Variants in CPLX2 observed in about 807,000 individuals in gnomAD.
CPLX2 encodes the protein complexin-2.
A neutral mutation model predicts 16.3 loss-of-function variants in CPLX2; 5 were observed. The ratio of observed to expected loss-of-function variants is 0.31; its 90% confidence interval spans 0.16 to 0.64. The LOEUF (loss-of-function observed/expected upper bound fraction) is 0.64, where lower values mean the gene tolerates loss of function less well. CPLX2 is among the 30% of genes least tolerant of loss of function. The probability of loss-of-function intolerance (pLI) is 0.79; values close to 1 mark genes in which losing one functional copy is unlikely to be tolerated. For synonymous variants in CPLX2, 89 were observed against 73.2 expected, an observed-to-expected ratio of 1.22 and a Z score of -1.10; for missense variants, 144 against 181.4, an observed-to-expected ratio of 0.79 and a Z score of 1.18.
At chr5:175,835,329 T>C (rs567390741) in intron 2 of CPLX2, among the ~76,000 whole-genome samples, 1 of 152,256 alleles carries the variant, frequency 6.6e-6, no homozygotes, top group East Asian at 1.9e-4. Flanking sequence ...AAAAAGTAAT[T>C]TATAGCATCA....
intron 2 of CPLX2, among the ~76,000 whole-genome samples, chr5:175,851,121 G>A (rs537785861): frequency 6.6e-6 from 1 of 152,160 alleles, no homozygotes; most frequent in Non-Finnish European, 1.5e-5. Flanking sequence ...TGCGTGTGAG[G>A]AGCCTGTGGA....
At chr5:175,843,332 C>T (rs999489751) in intron 2 of CPLX2, among the ~76,000 whole-genome samples, 1 of 152,240 alleles carries the variant, frequency 6.6e-6, no homozygotes, top group Non-Finnish European at 1.5e-5. Context: ...AAGGCACACA[C>T]ACTGTGGTCT....
chr5:175,860,584 AG>A lies in CPLX2; in HGVS notation c.-88-18065del. Among the ~76,000 whole-genome samples, 6 of 128,340 alleles carry A rather than the reference AG, an allele frequency of 4.7e-5. No homozygotes were observed. In the South Asian group the frequency reaches 8.8e-4, roughly 19 times the overall value. 84.2% of individuals were successfully genotyped at this position (128,340 alleles called of 152,430 possible). On this transcript the variant is annotated intron_variant, in intron 2 of 4. Transcript: ENST00000359546. ...AGAAAAAGAAGGGAGGGAGGGAGGG[AG>A]GGAAGGAAGGAAGGAAGGAAGGAAG...
At chr5:175,859,542 C>T (rs1759323593) in intron 2 of CPLX2, among the ~76,000 whole-genome samples, 1 of 152,236 alleles carries the variant, frequency 6.6e-6, no homozygotes, top group African/African-American at 2.4e-5. Flanking sequence ...CTCCAGTTGA[C>T]AAACTAGATG....
chr5:175,879,051 C>A lies in CPLX2; in HGVS notation c.175C>A (p.Arg59=), dbSNP rs142629775. 6.3e-7 allele frequency: 1 copy of A among 1,584,758 alleles called. No homozygotes were observed. The highest frequency in any genetic ancestry group is 8.6e-7 in the Non-Finnish European group (1 of 1,165,974). ...KAKHARMEAE[R]EKVRQQIRDK... is the part of the protein sequence containing the mutation. ...CAAGCACGCGCGCATGGAGGCGGAG[C>A]GGGAGAAGGTCCGGCAGCAGATCCG... The change falls in exon 3 of 4, where the codon CGG becomes AGG. Residue 59 remains arginine, a synonymous_variant. Transcript: ENST00000393745.
intron 2 of CPLX2, among the ~76,000 whole-genome samples, chr5:175,848,989 G>T (rs938471397): frequency 6.6e-6 from 1 of 152,168 alleles, no homozygotes; most frequent in Non-Finnish European, 1.5e-5. Context: ...GGCTTCAGAG[G>T]CCCAGAGAGT....
intron 1 of CPLX2, among the ~76,000 whole-genome samples, chr5:175,875,338 G>T (rs1426918821): frequency 6.6e-6 from 1 of 152,136 alleles, no homozygotes; most frequent in Non-Finnish European, 1.5e-5. Context: ...CCAGGGCACA[G>T]GTAGATGAAT....
chr5:175,834,840 C>G (rs1220259986), intron 2 of CPLX2, among the ~76,000 whole-genome samples: 1 of 152,208 alleles, frequency 6.6e-6, no homozygotes, highest in Non-Finnish European at 1.5e-5. Context: ...CACCACTGCA[C>G]TCCAGCCTGG....
At chr5:175,831,996 G>A (rs903454271) in intron 2 of CPLX2, among the ~76,000 whole-genome samples, 2 of 152,180 alleles carry the variant, frequency 1.3e-5, no homozygotes, top group Admixed American at 1.3e-4. Context: ...GCTCTTCCCT[G>A]GTCTACCCTA....
rs966998305 is a variant in CPLX2, at chr5:175,809,177, A to T, written c.-89+109A>T. 1 of 152,328 alleles carries T rather than the reference A, an allele frequency of 6.6e-6. No individual in the cohort carries two copies. 9.4% of individuals were successfully genotyped at this position (152,328 alleles called of 1,614,324 possible). A position where few individuals can be genotyped will look rare whatever the true frequency, so the allele number is the denominator to read the frequency against. ...CTTCCCCTCTGTGATTGCCAAGAAC[A>T]GTCCTAAGATGGAGTGAGATGGATC... On this transcript the variant is annotated intron_variant, in intron 2 of 4. Transcript: ENST00000359546. The surrounding 1 kb of genome is among the most constrained non-coding windows in gnomAD (Gnocchi z 4.4).
At position 175,847,694 on chromosome 5, in the gene CPLX2, C is replaced by T. The variant is rs940160558; in HGVS notation, c.-88-30958C>T. Among the ~76,000 whole-genome samples the T allele has an allele frequency of 3.3e-5, 5 of 152,176 alleles. No individual in the cohort carries two copies. The South Asian group carries it at 6.2e-4, about 19-fold the overall frequency. On this transcript the variant is annotated intron_variant, in intron 2 of 4. Transcript: ENST00000359546. ...AACTCCTGCAGGGGGCATGAGAAGG[C>T]GGCTGCAGAACCTGCCCAGACCACA... is the stretch of plus-strand genomic sequence containing the variant.
At chr5:175,867,189 G>A (rs1759493154), upstream of CPLX2, among the ~76,000 whole-genome samples, 1 of 152,152 alleles carries the variant, frequency 6.6e-6, no homozygotes, top group African/African-American at 2.4e-5. Flanking sequence ...AATAGACAAG[G>A]AGGGGTCAGT....
At chr5:175,871,569 G>C (rs1462989684), upstream of CPLX2, 2 of 151,954 alleles carry the variant, frequency 1.3e-5, no homozygotes, top group Non-Finnish European at 2.9e-5. Context: ...TTCGGCAGCC[G>C]CCCGCGGCAG....
At chr5:175,836,729 G>A (rs1319363828) in intron 2 of CPLX2, among the ~76,000 whole-genome samples, 3 of 152,214 alleles carry the variant, frequency 2.0e-5, no homozygotes, top group Admixed American at 6.5e-5. Flanking sequence ...AAAAGATAGA[G>A]GCCTTGGCAC....
chr5:175,863,527 C>G (rs1269071925), intron 2 of CPLX2, among the ~76,000 whole-genome samples: 4 of 152,182 alleles, frequency 2.6e-5, no homozygotes. Flanking sequence ...GGGATTAAAT[C>G]AGATAAAGAT....
intron 2 of CPLX2, among the ~76,000 whole-genome samples, chr5:175,850,144 GTTTT>G: frequency 1.3e-5 from 1 of 75,006 alleles, no homozygotes; most frequent in Non-Finnish European, 3.2e-5. Flanking sequence ...GCAAGTGACA[GTTTT>G]TTTGTTTTTT....
At chr5:175,866,403 C>G (rs898977499) in intron 2 of CPLX2, among the ~76,000 whole-genome samples, 3 of 152,178 alleles carry the variant, frequency 2.0e-5, no homozygotes, top group African/African-American at 7.2e-5. Context: ...AGATTTACTA[C>G]CAAAATATTC....
chr5:175,827,513 G>A (rs1418964839), intron 2 of CPLX2, among the ~76,000 whole-genome samples: 1 of 152,186 alleles, frequency 6.6e-6, no homozygotes, highest in Non-Finnish European at 1.5e-5. Flanking sequence ...CCAGCACTGT[G>A]GGAGGCCGGG....
At position 175,824,466 on chromosome 5, in the gene CPLX2, T is replaced by C. The variant is rs1758571380; in HGVS notation, c.-89+15398T>C. ...GGACCCTGCCCAAGTCTCTCTCATT[T>C]CCCAAAGGAGGAAACCAAGGCCCAG... On this transcript the variant is annotated intron_variant, in intron 2 of 4. Transcript: ENST00000359546. 2.0e-5 allele frequency among the ~76,000 whole-genome samples: 3 copies of C among 152,188 alleles called. No individual in the cohort carries two copies. In the South Asian group the frequency reaches 6.2e-4, roughly 32 times the overall value.
Sources: allele counts gnomAD v4.1 joint callset (sites outside exome capture counted in the v4.1 genomes callset), GRCh38; gene constraint gnomAD v4.1.1; non-coding constraint Gnocchi (gnomAD v3.1); transcripts MANE v1.5; gene names NCBI Gene and HGNC (gene_info 2026-07-23, HGNC 2026-07-21).